The following PLTP variants were observed in gnomAD, a reference collection of about 807,000 sequenced individuals.
PLTP encodes phospholipid transfer protein.
Under a neutral mutation model 54.1 loss-of-function variants are expected in PLTP, and 43 were observed. The ratio of observed to expected loss-of-function variants is 0.79; its 90% confidence interval spans 0.62 to 1.02. PLTP has a LOEUF of 1.02. Ranked by LOEUF, PLTP falls within the 50% of genes least tolerant of loss-of-function variation. PLTP has a pLI of 0.00. For synonymous variants in PLTP, 263 were observed against 264.6 expected, an observed-to-expected ratio of 0.99 and a Z score of 0.06; for missense variants, 604 against 645.9, an observed-to-expected ratio of 0.94 and a Z score of 0.70.
chr20:45,908,347 A>G (rs570057873), intron 5 of PLTP, among the ~76,000 whole-genome samples: 12 of 152,170 alleles, frequency 7.9e-5, no homozygotes, highest in African/African-American at 2.6e-4. Flanking sequence ...TTTGCTCCAG[A>G]TAGGCTCTGA....
In PLTP at chr20:45,909,649, C is replaced by T. The variant is rs200182293; in HGVS notation, c.352G>A (p.Ala118Thr). ...CGGATGGACACACCCTCAGCTGAGG[C>T]GTTGATGTAGCCCCCATCATAGCTG... The part of the protein sequence containing the change: ...WFFYDGGYIN[A>T]SAEGVSIRTG... Residue 118 changes from alanine to threonine, a missense_variant, in exon 5 of 16, where the codon GCC becomes ACC. Coordinates refer to ENST00000372431, the MANE Select transcript of PLTP (RefSeq NM_006227.4). The T allele has an allele frequency of 5.0e-6, 8 of 1,614,158 alleles. No homozygotes were observed. In the East Asian group the frequency reaches 6.7e-5, roughly 13 times the overall value.
intron 7 of PLTP, 51 bp from the exon 8 acceptor site, chr20:45,906,410 G>C: frequency 2.1e-6 from 3 of 1,403,990 alleles, no homozygotes; most frequent in Non-Finnish European, 3.0e-6. Context: ...GGGATAAGGT[G>C]CTTAACCTCT....
At chr20:45,909,447 T>C in intron 5 of PLTP, 69 bp downstream of exon 5, 19 of 1,562,664 alleles carry the variant, frequency 1.2e-5, no homozygotes, top group Non-Finnish European at 1.6e-5. Context: ...CCTATGCACT[T>C]TGCATTGCGC....
chr20:45,901,050 C>T (rs1469328309), intron 12 of PLTP, among the ~76,000 whole-genome samples: 1 of 152,166 alleles, frequency 6.6e-6, no homozygotes, highest in Non-Finnish European at 1.5e-5. Context: ...ACATTATCTC[C>T]TTTAACCTTA....
chr20:45,906,608 G>T (rs576665884), intron 7 of PLTP, among the ~76,000 whole-genome samples: 7 of 152,114 alleles, frequency 4.6e-5, no homozygotes, highest in African/African-American at 1.4e-4. Flanking sequence ...GGCATGGGGG[G>T]GCCGCGCATG....
intron 13 of PLTP, 62 bp from the exon 14 acceptor site, chr20:45,899,747 C>G: frequency 6.2e-7 from 1 of 1,608,618 alleles, no homozygotes; most frequent in Non-Finnish European, 8.5e-7. Context: ...TTTAGCTGCC[C>G]GCAGGTGAGC....
intron 14 of PLTP, 36 bp from the exon 15 acceptor site, chr20:45,899,574 C>T (rs1477883271): frequency 6.2e-7 from 1 of 1,614,048 alleles, no homozygotes; most frequent in East Asian, 2.2e-5. Context: ...TCTGGGCCCG[C>T]CCAGTTCACC....
chr20:45,899,554 C>G lies in PLTP; in HGVS notation c.1283-16G>C, dbSNP rs769387260. 5.0e-6 allele frequency: 8 copies of G among 1,614,158 alleles called. No homozygotes were observed. The highest frequency in any genetic ancestry group is 1.1e-5 in the South Asian group (1 of 91,082). On this transcript the variant is annotated splice_polypyrimidine_tract_variant and intron_variant, in intron 14 of 15. Coordinates refer to ENST00000372431, the MANE Select transcript of PLTP (RefSeq NM_006227.4). The stretch of plus-strand genomic sequence containing the variant: ...CAGGTCCGCTCTGTGGGTGGGAGCA[C>G]CCCGCTCAGTCTGGGCCCGCCCAGT...
intron 8 of PLTP, 146 bp from the exon 9 acceptor site, chr20:45,905,264 C>T (rs1265370107): frequency 4.3e-6 from 3 of 704,268 alleles, no homozygotes; most frequent in African/African-American, 1.8e-5. Context: ...AAGCACATCT[C>T]TTAAAAGGCA....
rs2083141892 is a variant in PLTP at position 45,898,711 on chromosome 20, A to G, written c.*230T>C. 2 of 659,976 alleles carry G rather than the reference A, an allele frequency of 3.0e-6. No homozygotes were observed. Among genetic ancestry groups the G allele is most frequent in the Non-Finnish European group, 5.2e-6 (2 of 382,638 alleles). The allele number at this position is 659,976 out of a possible 1,614,324, so 40.9% of individuals were successfully genotyped here. The stretch of plus-strand genomic sequence containing the variant: ...GCTTAAAGAATGCCCTTTATGATGC[A>G]CTGATTCCATCCCAGGAACCCAACA... On this transcript the variant is annotated 3_prime_UTR_variant, in exon 16 of 16. Transcript: ENST00000372431. The surrounding 1 kb of genome is among the most constrained non-coding windows in gnomAD (Gnocchi z 4.6).
At chr20:45,908,414 C>T (rs2083260510) in intron 5 of PLTP, among the ~76,000 whole-genome samples, 1 of 152,254 alleles carries the variant, frequency 6.6e-6, no homozygotes, top group South Asian at 2.1e-4. Flanking sequence ...ATAAATAATA[C>T]TGACAGTGTA....
intron 7 of PLTP, among the ~76,000 whole-genome samples, chr20:45,906,690 G>C (rs976548409): frequency 1.3e-5 from 2 of 151,792 alleles, no homozygotes; most frequent in African/African-American, 4.8e-5. Flanking sequence ...AGGTGTTCGA[G>C]ACCAGCCTGG....
intron 7 of PLTP, among the ~76,000 whole-genome samples, chr20:45,906,886 A>G (rs2083244690): frequency 1.5e-5 from 1 of 67,108 alleles, no homozygotes; most frequent in Admixed American, 1.7e-4. Flanking sequence ...GCGAGACTCC[A>G]TCTCAAAAAA....
At chr20:45,899,806 A>AGGGGCC in intron 13 of PLTP, 30 bp downstream of exon 13, 1 of 1,303,172 alleles carries the variant, frequency 7.7e-7, no homozygotes, top group Non-Finnish European at 1.1e-6. Flanking sequence ...TCACGAACCC[A>AGGGGCC]GCCCAGCCCA....
chr20:45,910,779 A>T, intron 3 of PLTP: 3 of 1,111,948 alleles, frequency 2.7e-6, no homozygotes, highest in Non-Finnish European at 3.4e-6. Flanking sequence ...CCTAAACCAT[A>T]CTTAGAGCCT....
chr20:45,906,213 G>C, intron 8 of PLTP, 55 bp downstream of exon 8: 2 of 1,228,920 alleles, frequency 1.6e-6, no homozygotes, highest in Non-Finnish European at 2.4e-6. Context: ...CAACTTAGCA[G>C]AGAAAGAGGT....
Position 45,902,606 on chromosome 20 carries a change from T to G in PLTP, c.943-2A>C, listed in dbSNP as rs111599864. On this transcript the variant is annotated splice_acceptor_variant, in intron 10 of 15. Transcript: ENST00000372431. LOFTEE classifies it high-confidence loss of function. ...TGGGGAGTCAATCACTGCTGGGCTC[T>G]GGGGGATGAGCAGCAGGGGCGGGTC... 6.9e-6 allele frequency: 11 copies of G among 1,602,350 alleles called. No homozygotes were observed. The highest frequency in any genetic ancestry group is 8.5e-6 in the Non-Finnish European group (10 of 1,173,536).
intron 10 of PLTP, among the ~76,000 whole-genome samples, 156 bp from the exon 11 acceptor site, chr20:45,902,760 G>A (rs1356742189): frequency 1.3e-5 from 2 of 152,224 alleles, no homozygotes; most frequent in Non-Finnish European, 2.9e-5. Flanking sequence ...TCTCACATCT[G>A]CATCTAGCCT....
chr20:45,904,415 A>G (rs540514400), intron 10 of PLTP, among the ~76,000 whole-genome samples: 5 of 152,298 alleles, frequency 3.3e-5, no homozygotes. Context: ...GTGAGCCTAG[A>G]TTGTGCCACT....
Sources: gnomAD v4.1 joint callset for allele counts (sites outside exome capture counted in the v4.1 genomes callset) on GRCh38, gnomAD v4.1.1 for gene constraint, Gnocchi (gnomAD v3.1) non-coding constraint, MANE v1.5 for transcripts, NCBI Gene and HGNC (gene_info 2026-07-23, HGNC 2026-07-21) for gene names.